Variants in BRD3 observed in about 807,000 individuals in gnomAD.
BRD3 encodes bromodomain containing 3, also known as bromodomain-containing protein 3.
A neutral mutation model predicts 66.8 loss-of-function variants in BRD3; 17 were observed. That is an observed-to-expected ratio of 0.25 (90% CI 0.17 to 0.38). The LOEUF is 0.38. Among genes scored for constraint, BRD3 ranks in the 10% least tolerant of loss-of-function variants. The pLI is 1.00. For missense variants in BRD3, 713 were observed against 956.1 expected (o/e 0.75, Z 3.35); for synonymous variants, 421 against 393.2 (o/e 1.07, Z -0.84).
intron 1 of BRD3, among the ~76,000 whole-genome samples, chr9:134,061,310 A>G (rs1188729071): frequency 6.6e-6 from 1 of 152,218 alleles, no homozygotes; most frequent in Non-Finnish European, 1.5e-5. Flanking sequence ...AAAAGTCCTT[A>G]TTTGGGGTCC....
At chr9:134,052,962 T>A in intron 2 of BRD3, among the ~76,000 whole-genome samples, 1 of 152,178 alleles carries the variant, frequency 6.6e-6, no homozygotes, top group Non-Finnish European at 1.5e-5. Context: ...CAGGAGCCAG[T>A]GAGGCAGAAG....
intron 6 of BRD3, among the ~76,000 whole-genome samples, chr9:134,047,713 C>G (rs983253098): frequency 1.3e-5 from 2 of 152,186 alleles, no homozygotes; most frequent in South Asian, 4.1e-4. Context: ...CGCCTGTATC[C>G]GGGGCTTGAG....
rs1169667001 is a variant in BRD3 at position 134,033,292 on chromosome 9, G to A, written c.*298C>T. ...GGGATTCCACAAGGTTCTTCGGTAC[G>A]AATCTCACACGGTTTTCTGGGGTCA... On this transcript the variant is annotated 3_prime_UTR_variant, in exon 12 of 12. Coordinates refer to ENST00000303407, the MANE Select transcript of BRD3 (RefSeq NM_007371.4). This position sits in a 1 kb window ranked among gnomAD's most constrained non-coding sequence, Gnocchi z 5.1. The A allele has an allele frequency of 2.8e-5, 12 of 428,312 alleles. No homozygotes were observed. The highest frequency in any genetic ancestry group is 1.0e-4 in the East Asian group (3 of 28,758). The allele number at this position is 428,312 out of a possible 1,614,324, so 26.5% of individuals were successfully genotyped here.
rs1426473491 is a variant in BRD3, at chr9:134,032,449, A to G, written c.*1141T>C. ...CCTCCAAGTTTCATACAAAAAAAAA[A>G]AAAAAAAAAAACCACAAAGAAAAAA... On this transcript the variant is annotated 3_prime_UTR_variant, in exon 12 of 12. Transcript: ENST00000303407. The G allele has an allele frequency of 4.5e-6, 1 of 220,234 alleles. No homozygotes were observed. Among genetic ancestry groups the G allele is most frequent in the Non-Finnish European group, 9.1e-6 (1 of 110,444 alleles). 13.6% of individuals were successfully genotyped at this position (220,234 alleles called of 1,614,324 possible). A position where few individuals can be genotyped will look rare whatever the true frequency, so the allele number is the denominator to read the frequency against.
chr9:134,048,821 G>T (rs921097016), intron 5 of BRD3, among the ~76,000 whole-genome samples: 2 of 152,210 alleles, frequency 1.3e-5, no homozygotes, highest in Non-Finnish European at 2.9e-5. Flanking sequence ...CAAGCACCCA[G>T]ACCAGGACCC....
rs1434343073 is a variant in BRD3, at chr9:134,032,461, C to A, written c.*1129G>T. 419 of 187,878 alleles carry A rather than the reference C, an allele frequency of 2.2e-3. 3 individuals carry two copies. Among genetic ancestry groups the A allele is most frequent in the African/African-American group, 8.7e-3 (340 of 39,182 alleles). The allele number at this position is 187,878 out of a possible 1,614,324, so 11.6% of individuals were successfully genotyped here. A position where few individuals can be genotyped will look rare whatever the true frequency, so the allele number is the denominator to read the frequency against. ...ATACAAAAAAAAAAAAAAAAAAAAA[C>A]CACAAAGAAAAAAACCAAAAAACCC... On this transcript the variant is annotated 3_prime_UTR_variant, in exon 12 of 12. Transcript: ENST00000303407.
In BRD3 at chr9:134,040,279, A is replaced by G; in HGVS notation, c.1408-10T>C. On this transcript the variant is annotated splice_polypyrimidine_tract_variant and intron_variant, in intron 8 of 11. Transcript: ENST00000303407. The stretch of plus-strand genomic sequence containing the variant: ...CGTGCACGGCCTTCAGCTGGAAAAG[A>G]GCGGGCGGCTGAGCAGGTGCTGGGC... The G allele has an allele frequency of 6.3e-7, 1 of 1,589,254 alleles. No individual in the cohort carries two copies. Among genetic ancestry groups the G allele is most frequent in the Non-Finnish European group, 8.6e-7 (1 of 1,169,554 alleles).
chr9:134,034,673 G>A lies in BRD3; in HGVS notation c.2065+28C>T, dbSNP rs759266572. ...CTGACACCCCCCACCCCCCTAAAGAGGGGTGGCACAGCGGCCGCCAGCGGT... is the reference window on the plus strand; with the variant it reads ...CTGACACCCCCCACCCCCCTAAAGAAGGGTGGCACAGCGGCCGCCAGCGGT... On this transcript the variant is annotated intron_variant, in intron 11 of 11. Transcript: ENST00000303407. 1.1e-5 allele frequency: 18 copies of A among 1,600,428 alleles called. No homozygotes were observed. The South Asian group carries it at 1.9e-4, about 17-fold the overall frequency.
Position 134,061,462 on chromosome 9 carries a change from C to A in BRD3, c.-114+6483G>T, listed in dbSNP as rs575161987. ...ATAGCTCTGCAGGGGCTCAACCAGA[C>A]CTGCCAGCTAAAGGGTGGGAGACAG... is the stretch of plus-strand genomic sequence containing the variant. On this transcript the variant is annotated intron_variant, in intron 1 of 11. Transcript: ENST00000303407. Among the ~76,000 whole-genome samples, 132 of 152,336 alleles carry A rather than the reference C, an allele frequency of 8.7e-4. 1 individual carries two copies. The highest frequency in any genetic ancestry group is 3.4e-3 in the Middle Eastern group (1 of 294).
chr9:134,044,306 G>A (rs1315464148), intron 7 of BRD3, among the ~76,000 whole-genome samples: 1 of 152,158 alleles, frequency 6.6e-6, no homozygotes. Context: ...GAGAGGGTGG[G>A]AAAGGCAGCA....
At position 134,035,655 on chromosome 9, in the gene BRD3, G is replaced by T. The variant is rs143129855; in HGVS notation, c.1936+377C>A. Among the ~76,000 whole-genome samples the T allele has an allele frequency of 1.0e-2, 1,516 of 152,358 alleles. 7 individuals carry two copies. Among genetic ancestry groups the T allele is most frequent in the Non-Finnish European group, 0.015 (997 of 68,018 alleles). Reference sequence around the variant, plus strand: ...ACCTGCAGCCAAGGCCCCAAATGGAGGGGAGCCTCAGGAAGGCATGCAGTG... The same window carrying T: ...ACCTGCAGCCAAGGCCCCAAATGGATGGGAGCCTCAGGAAGGCATGCAGTG... On this transcript the variant is annotated intron_variant, in intron 10 of 11. Coordinates refer to ENST00000303407, the MANE Select transcript of BRD3 (RefSeq NM_007371.4).
rs997292356 is a variant in BRD3, at chr9:134,050,532, C to A, written c.556G>T (p.Val186Leu). The change falls in exon 5 of 12, where the codon GTG becomes TTG. Residue 186 changes from valine (V) to leucine (L), a missense_variant. Physicochemically the swap from Val to Leu is conservative, Grantham distance 32. Around this residue, in one of 5 missense-constraint regions of BRD3, gnomAD observed 120 missense variants for 122.8 expected, o/e 0.98. Coordinates refer to ENST00000303407, the MANE Select transcript of BRD3 (RefSeq NM_007371.4). ...SVSPATPFQSVPPTVSQTPVI... is the reference protein window; with the variant it reads ...SVSPATPFQSLPPTVSQTPVI... ...GGCGTCTGGGAGACGGTGGGGGGCA[C>A]GCTCTGAAAGGGGGTCGCTGGGGAG... 1.2e-6 allele frequency: 2 copies of A among 1,603,798 alleles called. No individual in the cohort carries two copies. The highest frequency in any genetic ancestry group is 1.7e-5 in the Admixed American group (1 of 59,336).
chr9:134,043,173 G>A (rs1164583399), intron 7 of BRD3, among the ~76,000 whole-genome samples: 2 of 152,080 alleles, frequency 1.3e-5, no homozygotes, highest in Non-Finnish European at 2.9e-5. Context: ...GTCCTGCTCT[G>A]TTGCCCAGGC....
At position 134,048,277 on chromosome 9, in the gene BRD3, C is replaced by A; in HGVS notation, c.892G>T (p.Val298Leu). 1.2e-6 allele frequency: 2 copies of A among 1,607,042 alleles called. No homozygotes were observed. Among genetic ancestry groups the A allele is most frequent in the Non-Finnish European group, 1.7e-6 (2 of 1,178,330 alleles). ...PPKKDLEDGE[V>L]PQHAGKKGKL... ...CCCTTCTTGCCTGCGTGCTGGGGCA[C>A]CTCGCCGTCCTCCAGGTCCTTCTTG... The change falls in exon 6 of 12, where the codon GTG becomes TTG. Residue 298 changes from valine (V) to leucine (L), a missense_variant. Physicochemically the swap from Val to Leu is conservative, Grantham distance 32. Transcript: ENST00000303407.
At chr9:134,037,336 C>T (rs966478647) in intron 9 of BRD3, among the ~76,000 whole-genome samples, 4 of 152,202 alleles carry the variant, frequency 2.6e-5, no homozygotes, top group Admixed American at 6.5e-5. Flanking sequence ...CTTTGGGAGG[C>T]CAAGGCAGGT....
chr9:134,046,517 C>T (rs1324615305), intron 6 of BRD3, among the ~76,000 whole-genome samples: 1 of 152,216 alleles, frequency 6.6e-6, no homozygotes, highest in East Asian at 1.9e-4. Context: ...TGCACTCAGA[C>T]ATGAGACCCA....
Position 134,045,534 on chromosome 9 carries a change from A to T in BRD3, c.1087-113T>A. 6.7e-7 allele frequency: 1 copy of T among 1,501,608 alleles called. No homozygotes were observed. The highest frequency in any genetic ancestry group is 9.1e-7 in the Non-Finnish European group (1 of 1,097,706). 93.0% of individuals were successfully genotyped at this position (1,501,608 alleles called of 1,614,324 possible). A position where few individuals can be genotyped will look rare whatever the true frequency, so the allele number is the denominator to read the frequency against. On this transcript the variant is annotated intron_variant, in intron 6 of 11. Coordinates refer to ENST00000303407, the MANE Select transcript of BRD3 (RefSeq NM_007371.4). The surrounding 1 kb of genome is among the most constrained non-coding windows in gnomAD (Gnocchi z 4.8). The stretch of plus-strand genomic sequence containing the variant: ...CAGGAGCCACTGCCAGCTCCAGGGC[A>T]GTGCCTACTGGCCTGGCCGGCAGGA...
intron 5 of BRD3, among the ~76,000 whole-genome samples, chr9:134,050,047 G>A (rs905670741): frequency 6.6e-6 from 1 of 152,228 alleles, no homozygotes; most frequent in Non-Finnish European, 1.5e-5. Context: ...GTGAGCAGGG[G>A]AGGACCGGGA....
Position 134,060,621 on chromosome 9 carries a change from C to A in BRD3, c.-113-7031G>T, listed in dbSNP as rs540355875. 2.7e-5 allele frequency among the ~76,000 whole-genome samples: 4 copies of A among 148,202 alleles called. No individual in the cohort carries two copies. In the East Asian group the frequency reaches 7.9e-4, roughly 29 times the overall value. ...ACACACACACACACACACACACACACGATCTGGAATGCCATGGAGATTTCC... is the reference window on the plus strand; with the variant it reads ...ACACACACACACACACACACACACAAGATCTGGAATGCCATGGAGATTTCC... On this transcript the variant is annotated intron_variant, in intron 1 of 11. Transcript: ENST00000303407.
Sources: gnomAD v4.1 joint callset for allele counts (sites outside exome capture counted in the v4.1 genomes callset) on GRCh38, gnomAD v4.1.1 for gene constraint, gnomAD v4.1.1 regional missense constraint, Gnocchi (gnomAD v3.1) non-coding constraint, MANE v1.5 for transcripts, NCBI Gene and HGNC (gene_info 2026-07-23, HGNC 2026-07-21) for gene names.